USP31: variants seen among roughly 807,000 people sequenced by gnomAD.
The protein encoded by USP31 is ubiquitin carboxyl-terminal hydrolase 31.
Under a neutral mutation model 119.4 loss-of-function variants are expected in USP31, and 44 were observed. That is an observed-to-expected ratio of 0.37 (90% CI 0.29 to 0.47). USP31 has a LOEUF of 0.47. Among genes scored for constraint, USP31 ranks in the 20% least tolerant of loss-of-function variants. USP31 has a pLI of 0.99. For missense variants in USP31, 1,643 were observed against 1,730.2 expected, an observed-to-expected ratio of 0.95 and a Z score of 0.89; for synonymous variants, 749 against 705.6, an observed-to-expected ratio of 1.06 and a Z score of -0.97.
At position 23,108,103 on chromosome 16, in the gene USP31, G is replaced by T; in HGVS notation, c.714C>A (p.Asp238Glu). 1 of 1,613,988 alleles carries T rather than the reference G, an allele frequency of 6.2e-7. No homozygotes were observed. The highest frequency in any genetic ancestry group is 8.5e-7 in the Non-Finnish European group (1 of 1,179,934). ...AATGGTTGAGGTCTTCATGAACTCG[G>T]TCCAAAAGCCACAGCAGAAACTCCT... ...DAQEFLLWLL[D>E]RVHEDLNHSV... Residue 238 changes from aspartate (D) to glutamate (E), a missense_variant, in exon 2 of 16, where the codon GAC becomes GAA. This residue lies in a region of USP31 where 144 missense variants were observed against 218.0 expected (regional missense o/e 0.66). Coordinates refer to ENST00000219689, the MANE Select transcript of USP31 (RefSeq NM_020718.4).
At chr16:23,097,606 C>T (rs1004343637) in intron 6 of USP31, among the ~76,000 whole-genome samples, 10 of 152,198 alleles carry the variant, frequency 6.6e-5, no homozygotes, top group African/African-American at 2.2e-4. Context: ...TCCAGCAGCA[C>T]ATCAAAAAGC....
intron 1 of USP31, among the ~76,000 whole-genome samples, chr16:23,117,143 T>C (rs566005395): frequency 1.3e-4 from 20 of 152,310 alleles, no homozygotes; most frequent in Middle Eastern, 3.4e-3. Context: ...AGATTTCAGA[T>C]TGTCAGATTT....
intron 1 of USP31, among the ~76,000 whole-genome samples, chr16:23,141,995 TA>T (rs992742996): frequency 6.6e-6 from 1 of 152,248 alleles, no homozygotes; most frequent in African/African-American, 2.4e-5. Context: ...CAGTACAACT[TA>T]AAACAGCTTC....
intron 12 of USP31, among the ~76,000 whole-genome samples, chr16:23,080,457 T>TA (rs939662365): frequency 6.1e-4 from 93 of 151,266 alleles, no homozygotes; most frequent in East Asian, 9.7e-4. Flanking sequence ...GCATTTGACT[T>TA]AAAAAAAAAT....
At chr16:23,108,595 C>T (rs1047739508) in intron 1 of USP31, among the ~76,000 whole-genome samples, 1 of 152,014 alleles carries the variant, frequency 6.6e-6, no homozygotes, top group East Asian at 1.9e-4. Flanking sequence ...TTAAGAAATA[C>T]TATATAAGTG....
intron 1 of USP31, among the ~76,000 whole-genome samples, chr16:23,123,275 C>T (rs1430471608): frequency 6.6e-6 from 1 of 152,166 alleles, no homozygotes; most frequent in Non-Finnish European, 1.5e-5. Context: ...CGGCAGCTCA[C>T]GCCTGTAATC....
rs769738770 is a variant in USP31, at chr16:23,087,795, C to G, written c.1456G>C (p.Ala486Pro). Reference sequence around the variant, plus strand: ...ATTTCCTTCTGCAGAAGGTCCCAAGCTATTGTCTTCTCTAAGTGCAGCACA... The same window carrying G: ...ATTTCCTTCTGCAGAAGGTCCCAAGGTATTGTCTTCTCTAAGTGCAGCACA... ...PFVLHLEKTIAWDLLQKEILE... is the reference protein window; with the variant it reads ...PFVLHLEKTIPWDLLQKEILE... The change falls in exon 8 of 16, where the codon GCT (alanine) becomes CCT (proline). Residue 486 changes from alanine (A) to proline (P), a missense_variant. This residue lies in a region of USP31 where 219 missense variants were observed against 226.4 expected (regional missense o/e 0.97). Transcript: ENST00000219689. 3 of 1,614,022 alleles carry G rather than the reference C, an allele frequency of 1.9e-6. No homozygotes were observed. In the South Asian group the frequency reaches 3.3e-5, roughly 18 times the overall value.
intron 13 of USP31, among the ~76,000 whole-genome samples, chr16:23,076,156 T>C (rs918754693): frequency 2.0e-5 from 3 of 151,946 alleles, no homozygotes; most frequent in South Asian, 4.1e-4. Context: ...TCAGGAAGAA[T>C]AGCTTAATGC....
At chr16:23,074,041 A>G in intron 13 of USP31, 161 bp from the exon 14 acceptor site, 4 of 905,874 alleles carry the variant, frequency 4.4e-6, no homozygotes, top group Non-Finnish European at 6.7e-6. Flanking sequence ...TAAATTCTGT[A>G]TCACACTCGA....
At chr16:23,135,698 A>C (rs1332288077) in intron 1 of USP31, among the ~76,000 whole-genome samples, 1 of 152,258 alleles carries the variant, frequency 6.6e-6, no homozygotes, top group Non-Finnish European at 1.5e-5. Context: ...AAATAAATGG[A>C]AAGACATCCC....
At chr16:23,136,444 G>A (rs1903192653) in intron 1 of USP31, among the ~76,000 whole-genome samples, 1 of 152,186 alleles carries the variant, frequency 6.6e-6, no homozygotes, top group South Asian at 2.1e-4. Context: ...CCTGAGGTCA[G>A]GAGTTCGAGA....
At position 23,090,534 on chromosome 16, in the gene USP31, T is replaced by A. The variant is rs572227877; in HGVS notation, c.1415+90A>T. On this transcript the variant is annotated intron_variant, in intron 7 of 15. Coordinates refer to ENST00000219689, the MANE Select transcript of USP31 (RefSeq NM_020718.4). ...AGAATCAAAAATTAACTACTAAAAG[T>A]AAGAACTTTTTGCCCATGCTTTTTA... 2.8e-5 allele frequency: 37 copies of A among 1,309,646 alleles called. No individual in the cohort carries two copies. The African/African-American group carries it at 3.3e-4, about 12-fold the overall frequency. The allele number at this position is 1,309,646 out of a possible 1,614,324, so 81.1% of individuals were successfully genotyped here.
Position 23,104,356 on chromosome 16 carries a change from T to C in USP31, c.1089+1085A>G, listed in dbSNP as rs1319793653. Among the ~76,000 whole-genome samples the C allele has an allele frequency of 2.0e-5, 3 of 152,214 alleles. 1 individual carries two copies. Among genetic ancestry groups the C allele is most frequent in the African/African-American group, 7.2e-5 (3 of 41,450 alleles). On this transcript the variant is annotated intron_variant, in intron 5 of 15. Transcript: ENST00000219689. Reference sequence around the variant, plus strand: ...CAAACTGAGGTCAACAGCAAACTTGTAATTATTTCACCAATTTAAACCACA... The same window carrying C: ...CAAACTGAGGTCAACAGCAAACTTGCAATTATTTCACCAATTTAAACCACA...
At position 23,061,964 on chromosome 16, in the gene USP31, G is replaced by GA. The variant is rs1333173710; in HGVS notation, c.*6081dup. On this transcript the variant is annotated 3_prime_UTR_variant, in exon 16 of 16. Transcript: ENST00000219689. ...GCCTACAAAGAGAACTCCAACTTCG[G>GA]AAATACTGTAACTGCTTTTGCATTT... 1 of 152,640 alleles carries GA rather than the reference G, an allele frequency of 6.6e-6. No homozygotes were observed. Among genetic ancestry groups the GA allele is most frequent in the Non-Finnish European group, 1.5e-5 (1 of 68,040 alleles). 9.5% of individuals were successfully genotyped at this position (152,640 alleles called of 1,614,324 possible). A position where few individuals can be genotyped will look rare whatever the true frequency, so the allele number is the denominator to read the frequency against.
chr16:23,099,778 A>G (rs567998266), intron 6 of USP31, among the ~76,000 whole-genome samples: 10 of 152,330 alleles, frequency 6.6e-5, no homozygotes, highest in African/African-American at 9.6e-5. Context: ...TGCAAATCAT[A>G]TATCTGATAA....
Position 23,148,726 on chromosome 16 carries a change from C to A in USP31, c.545G>T (p.Gly182Val). Residue 182 changes from glycine (G) to valine (V), a missense_variant, in exon 1 of 16, where the codon GGC becomes GTC. Physicochemically the swap from Gly to Val is moderately radical, Grantham distance 109. Transcript: ENST00000219689. Reference sequence around the variant, plus strand: ...CAGCTGCTCAGTGACCTCGCCCTGGCCCTGCGCGCCGCGGCCCGCAGGCTG... The same window carrying A: ...CAGCTGCTCAGTGACCTCGCCCTGGACCTGCGCGCCGCGGCCCGCAGGCTG... ...PEQPAGRGAQ[G>V]QGEVTEQLAH... 6.7e-7 allele frequency: 1 copy of A among 1,483,096 alleles called. No individual in the cohort carries two copies. Among genetic ancestry groups the A allele is most frequent in the Non-Finnish European group, 8.9e-7 (1 of 1,119,610 alleles). 91.9% of individuals were successfully genotyped at this position (1,483,096 alleles called of 1,614,324 possible).
chr16:23,079,986 C>T lies in USP31; in HGVS notation c.2136G>A (p.Val712=), dbSNP rs1303482233. ...CTTGCATGGTGCCATGGTGATTGCA[C>T]ACAGCATACAGGTCATAGATGTAGT... ...PEDYIYDLYA[V]CNHHGTMQGG... is the part of the protein sequence containing the mutation. The change falls in exon 13 of 16, where the codon GTG becomes GTA. Residue 712 remains valine, a synonymous_variant. Coordinates refer to ENST00000219689, the MANE Select transcript of USP31 (RefSeq NM_020718.4). 6.2e-7 allele frequency: 1 copy of T among 1,613,872 alleles called. No homozygotes were observed. The highest frequency in any genetic ancestry group is 1.1e-5 in the South Asian group (1 of 91,046).
At chr16:23,143,597 G>GAGAGAGAGAA (rs1903418508) in intron 1 of USP31, among the ~76,000 whole-genome samples, 1 of 140,618 alleles carries the variant, frequency 7.1e-6, no homozygotes, top group Non-Finnish European at 1.6e-5. Flanking sequence ...GGGGGGGGGA[G>GAGAGAGAGAA]AGAGAGAGAA....
intron 15 of USP31, among the ~76,000 whole-genome samples, chr16:23,070,850 T>C (rs1170063369): frequency 6.6e-6 from 1 of 152,232 alleles, no homozygotes; most frequent in African/African-American, 2.4e-5. Context: ...TCTGTCTTTA[T>C]AGAGCCTAAG....
Sources: gnomAD v4.1 joint callset for allele counts (sites outside exome capture counted in the v4.1 genomes callset) on GRCh38, gnomAD v4.1.1 for gene constraint, gnomAD v4.1.1 regional missense constraint, MANE v1.5 for transcripts, NCBI Gene and HGNC (gene_info 2026-07-23, HGNC 2026-07-21) for gene names.